Variants in PKHD1 observed in about 807,000 individuals in gnomAD.
The protein encoded by PKHD1 is PKHD1 ciliary IPT domain containing fibrocystin/polyductin.
Under a neutral mutation model 412.0 loss-of-function variants are expected in PKHD1, and 291 were observed. The observed-to-expected ratio is 0.71, with a 90% CI of 0.64 to 0.78. The LOEUF is 0.78. Ranked by LOEUF, PKHD1 falls within the 30% of genes least tolerant of loss-of-function variation. The pLI is 0.00. For missense variants in PKHD1, 4,825 were observed against 4,950.7 expected (o/e 0.97, Z 0.76); for synonymous variants, 1,777 against 1,821.5 (o/e 0.98, Z 0.62).
intron 60 of PKHD1, among the ~76,000 whole-genome samples, chr6:51,679,475 C>T (rs531462677): frequency 2.4e-4 from 36 of 151,450 alleles, no homozygotes; most frequent in Admixed American, 1.6e-3. Context: ...GGGGAATGTT[C>T]CCAGCTCCTG....
intron 41 of PKHD1, among the ~76,000 whole-genome samples, chr6:51,904,449 C>T (rs988018479): frequency 6.6e-6 from 1 of 152,080 alleles, no homozygotes; most frequent in Non-Finnish European, 1.5e-5. Context: ...CCTTCTCACC[C>T]AAACCACTGA....
rs376517727 is a variant in PKHD1 at position 51,799,799 on chromosome 6, T to C, written c.8303-8426A>G. ...TGTGCCACATTCTCTAGAATTAACATCCTTTCCATAAAATTACTCAAGATA... is the reference window on the plus strand; with the variant it reads ...TGTGCCACATTCTCTAGAATTAACACCCTTTCCATAAAATTACTCAAGATA... On this transcript the variant is annotated intron_variant, in intron 52 of 66. Coordinates refer to ENST00000371117, the MANE Select transcript of PKHD1 (RefSeq NM_138694.4). Among the ~76,000 whole-genome samples, 41 of 152,294 alleles carry C rather than the reference T, an allele frequency of 2.7e-4. No homozygotes were observed. In the East Asian group the frequency reaches 6.6e-3, roughly 24 times the overall value.
At chr6:51,872,309 T>C (rs536853972) in intron 46 of PKHD1, among the ~76,000 whole-genome samples, 1 of 152,280 alleles carries the variant, frequency 6.6e-6, no homozygotes, top group African/African-American at 2.4e-5. Flanking sequence ...GTGCATCATA[T>C]TGAAATTGCA....
At chr6:52,049,532 A>T (rs1049582666) in intron 22 of PKHD1, among the ~76,000 whole-genome samples, 1 of 152,172 alleles carries the variant, frequency 6.6e-6, no homozygotes, top group Non-Finnish European at 1.5e-5. Context: ...AATTCTTCCC[A>T]TTCTACTGGG....
At chr6:51,643,861 A>G (rs573899230) in intron 63 of PKHD1, among the ~76,000 whole-genome samples, 23 of 151,128 alleles carry the variant, frequency 1.5e-4, no homozygotes, top group South Asian at 4.2e-4. Flanking sequence ...CCTCCCCCCA[A>G]TCTCTGACAG....
intron 53 of PKHD1, among the ~76,000 whole-genome samples, chr6:51,779,298 CT>C (rs563735775): frequency 6.6e-6 from 1 of 152,130 alleles, no homozygotes; most frequent in Non-Finnish European, 1.5e-5. Flanking sequence ...CTCTGCCCCC[CT>C]CTGCCTTCAT....
At chr6:51,799,059 T>C (rs1433283988) in intron 52 of PKHD1, among the ~76,000 whole-genome samples, 1 of 152,154 alleles carries the variant, frequency 6.6e-6, no homozygotes, top group Non-Finnish European at 1.5e-5. Context: ...CAGACTATTA[T>C]AACCACTTGA....
At chr6:51,868,232 C>T (rs536854726) in intron 47 of PKHD1, 123 bp from the exon 48 acceptor site, 2 of 937,974 alleles carry the variant, frequency 2.1e-6, no homozygotes, top group South Asian at 2.9e-5. Flanking sequence ...CCTATTCATG[C>T]AAGAAAAAAA....
chr6:52,008,196 A>G (rs867990355), intron 35 of PKHD1, among the ~76,000 whole-genome samples: 1 of 152,312 alleles, frequency 6.6e-6, no homozygotes, highest in East Asian at 1.9e-4. Flanking sequence ...CAATGACTAT[A>G]GCCACATGGG....
intron 45 of PKHD1, among the ~76,000 whole-genome samples, chr6:51,883,710 CAG>C (rs1286436220): frequency 1.3e-5 from 2 of 152,158 alleles, no homozygotes; most frequent in African/African-American, 4.8e-5. Flanking sequence ...ATAACCCAAA[CAG>C]GGGTCATATA....
chr6:51,948,415 G>A (rs894602005), intron 36 of PKHD1, among the ~76,000 whole-genome samples: 5 of 151,974 alleles, frequency 3.3e-5, no homozygotes, highest in African/African-American at 9.7e-5. Context: ...ATTTGCTATC[G>A]CTGTGTGCCA....
At chr6:51,754,510 C>G (rs1307422499) in intron 56 of PKHD1, among the ~76,000 whole-genome samples, 1 of 152,172 alleles carries the variant, frequency 6.6e-6, no homozygotes, top group Non-Finnish European at 1.5e-5. Context: ...AGACTCTCAA[C>G]CCTTCTGCTC....
chr6:51,993,169 C>T (rs1797247373), intron 35 of PKHD1, among the ~76,000 whole-genome samples: 1 of 152,208 alleles, frequency 6.6e-6, no homozygotes, highest in African/African-American at 2.4e-5. Context: ...GTTAACAAAA[C>T]CACTGCTCAG....
chr6:51,781,530 G>A (rs1792007731), intron 53 of PKHD1, among the ~76,000 whole-genome samples: 1 of 151,914 alleles, frequency 6.6e-6, no homozygotes, highest in African/African-American at 2.4e-5. Flanking sequence ...TCCTCCATAA[G>A]GTCGAGCAAA....
intron 60 of PKHD1, among the ~76,000 whole-genome samples, chr6:51,720,541 C>T (rs1433981135): frequency 6.6e-6 from 1 of 152,120 alleles, no homozygotes; most frequent in Non-Finnish European, 1.5e-5. Context: ...TTCTGGCCAA[C>T]TCTTACTCAA....
chr6:51,725,314 A>G, intron 60 of PKHD1, among the ~76,000 whole-genome samples: 1 of 152,192 alleles, frequency 6.6e-6, no homozygotes, highest in East Asian at 1.9e-4. Context: ...CTTGTTTTGA[A>G]AAACTTTTCT....
At chr6:51,952,292 G>A (rs1036357133) in intron 36 of PKHD1, among the ~76,000 whole-genome samples, 2 of 152,172 alleles carry the variant, frequency 1.3e-5, no homozygotes, top group Non-Finnish European at 2.9e-5. Flanking sequence ...ATTGGTCACT[G>A]TCTGGACTAA....
At position 52,026,153 on chromosome 6, in the gene PKHD1, T is replaced by C; in HGVS notation, c.3657A>G (p.Ile1219Met). 1 of 1,614,114 alleles carries C rather than the reference T, an allele frequency of 6.2e-7. No individual in the cohort carries two copies. The highest frequency in any genetic ancestry group is 8.5e-7 in the Non-Finnish European group (1 of 1,180,014). The change falls in exon 32 of 67, where the codon ATA becomes ATG. Residue 1219 changes from isoleucine to methionine, a missense_variant. Transcript: ENST00000371117. ...LGGTILSISG[I>M]GFSRDPALVW... ...CCAAAGCTGGGTCCCTGCTGAAGCCTATTCCTGAGATGCTGAGGATGGTCC... is the reference window on the plus strand; with the variant it reads ...CCAAAGCTGGGTCCCTGCTGAAGCCCATTCCTGAGATGCTGAGGATGGTCC...
At chr6:51,825,430 G>A (rs1046374241) in intron 52 of PKHD1, among the ~76,000 whole-genome samples, 2 of 152,076 alleles carry the variant, frequency 1.3e-5, no homozygotes, top group African/African-American at 4.8e-5. Flanking sequence ...TTGGAATCCA[G>A]CCATCATGCT....
Sources: gnomAD v4.1 joint callset for allele counts (sites outside exome capture counted in the v4.1 genomes callset) on GRCh38, gnomAD v4.1.1 for gene constraint, MANE v1.5 for transcripts, NCBI Gene and HGNC (gene_info 2026-07-23, HGNC 2026-07-21) for gene names.